Variants in DCBLD2 observed in about 807,000 individuals in gnomAD.
The protein encoded by DCBLD2 is discoidin, CUB and LCCL domain containing 2, also known as discoidin, CUB and LCCL domain-containing protein 2.
In DCBLD2, 54 loss-of-function variants were observed where a neutral mutation model predicts 86.8. The ratio of observed to expected loss-of-function variants is 0.62; its 90% CI spans 0.50 to 0.78. DCBLD2 has a LOEUF of 0.78. Among genes scored for constraint, DCBLD2 ranks in the 30% least tolerant of loss-of-function variants. The probability of loss-of-function intolerance (pLI) is 0.00; values close to 1 mark genes in which losing one functional copy is unlikely to be tolerated. For synonymous variants in DCBLD2, 354 were observed against 341.3 expected, an observed-to-expected ratio of 1.04 and a Z score of -0.41; for missense variants, 908 against 954.2, an observed-to-expected ratio of 0.95 and a Z score of 0.64.
chr3:98,848,009 G>A lies in DCBLD2; in HGVS notation c.571+1452C>T, dbSNP rs146835018. 3.6e-4 allele frequency among the ~76,000 whole-genome samples: 55 copies of A among 152,258 alleles called. 1 individual carries two copies. The East Asian group carries it at 9.7e-3, about 27-fold the overall frequency. On this transcript the variant is annotated intron_variant, in intron 3 of 15. Transcript: ENST00000326840. Reference sequence around the variant, plus strand: ...TTAAACTTTTAAGTTTGGGGTACATGTGCAGGTTTGTTCCATAAGTAAGCT... The same window carrying A: ...TTAAACTTTTAAGTTTGGGGTACATATGCAGGTTTGTTCCATAAGTAAGCT...
At chr3:98,892,894 G>C (rs1334915207) in intron 1 of DCBLD2, among the ~76,000 whole-genome samples, 1 of 152,132 alleles carries the variant, frequency 6.6e-6, no homozygotes, top group Admixed American at 6.5e-5. Context: ...AGATGGTGGG[G>C]ATCAAAAAAC....
intron 2 of DCBLD2, among the ~76,000 whole-genome samples, chr3:98,861,415 C>G (rs4269027): frequency 0.44 from 66,199 of 152,006 alleles, 14,599 homozygotes; most frequent in African/African-American, 0.46. Context: ...CAAATCAACA[C>G]AATATACGTT....
intron 1 of DCBLD2, among the ~76,000 whole-genome samples, chr3:98,887,262 T>A (rs775214883): frequency 5.3e-5 from 8 of 152,018 alleles, no homozygotes; most frequent in Non-Finnish European, 1.0e-4. Context: ...ACATAATATA[T>A]CTGCGAGATC....
At chr3:98,883,476 T>C (rs994325514) in intron 1 of DCBLD2, among the ~76,000 whole-genome samples, 8 of 152,196 alleles carry the variant, frequency 5.3e-5, no homozygotes, top group South Asian at 2.1e-4. Flanking sequence ...GCTCCAGAAA[T>C]TTATTCAGCA....
At chr3:98,846,844 G>A (rs538481120) in intron 3 of DCBLD2, among the ~76,000 whole-genome samples, 132 of 151,858 alleles carry the variant, frequency 8.7e-4, no homozygotes, top group African/African-American at 2.8e-3. Context: ...GGGCCAAAAA[G>A]CCTCATAATT....
intron 6 of DCBLD2, 60 bp downstream of exon 6, chr3:98,822,168 G>A (rs866873): frequency 0.99 from 1,587,520 of 1,598,266 alleles, 788,831 homozygotes; most frequent in Non-Finnish European, 1. Context: ...TCTTAGCCCA[G>A]TGCTACCCAG....
chr3:98,870,806 A>AAAGAAAGAAAGG (rs1559794673), intron 2 of DCBLD2, among the ~76,000 whole-genome samples: 3,236 of 122,950 alleles, frequency 0.026, 115 homozygotes, highest in African/African-American at 0.029. Context: ...AGAAAGAAAG[A>AAAGAAAGAAAGG]AAGAAAGGTA....
At chr3:98,861,067 T>A (rs1943034241) in intron 2 of DCBLD2, among the ~76,000 whole-genome samples, 1 of 152,034 alleles carries the variant, frequency 6.6e-6, no homozygotes, top group Non-Finnish European at 1.5e-5. Context: ...AAGGCAGGGG[T>A]TGCAATCCTA....
At chr3:98,883,168 A>C (rs987636384) in intron 1 of DCBLD2, among the ~76,000 whole-genome samples, 3 of 152,048 alleles carry the variant, frequency 2.0e-5, no homozygotes, top group African/African-American at 7.2e-5. Flanking sequence ...TTCTCTAATG[A>C]CCAGTGATGA....
chr3:98,871,452 TC>T (rs2107512860), intron 2 of DCBLD2, among the ~76,000 whole-genome samples: 1 of 152,298 alleles, frequency 6.6e-6, no homozygotes, highest in South Asian at 2.1e-4. Context: ...TAAGGTATGT[TC>T]TTTCTGTGCC....
At position 98,836,849 on chromosome 3, in the gene DCBLD2, G is replaced by A. The variant is rs1251993636; in HGVS notation, c.572-11483C>T. On this transcript the variant is annotated intron_variant, in intron 3 of 15. Coordinates refer to ENST00000326840, the MANE Select transcript of DCBLD2 (RefSeq NM_080927.4). ...CGACCCCCCCACCTCCCTCCCGGAC[G>A]GGGCGGCTGGCCGGGCGGGGGGCCG... Among the ~76,000 whole-genome samples the A allele has an allele frequency of 2.0e-4, 13 of 66,202 alleles. 2 individuals carry two copies. Among genetic ancestry groups the A allele is most frequent in the African/African-American group, 7.4e-4 (13 of 17,598 alleles). 43.4% of individuals were successfully genotyped at this position (66,202 alleles called of 152,430 possible). A position where few individuals can be genotyped will look rare whatever the true frequency, so the allele number is the denominator to read the frequency against.
chr3:98,871,573 T>C (rs1326140152), intron 2 of DCBLD2, among the ~76,000 whole-genome samples: 1 of 152,186 alleles, frequency 6.6e-6, no homozygotes. Flanking sequence ...ATGTGGTGAA[T>C]CACATTTGTT....
chr3:98,851,619 T>A (rs116414270), intron 2 of DCBLD2, among the ~76,000 whole-genome samples: 2,196 of 152,338 alleles, frequency 0.014, 53 homozygotes, highest in African/African-American at 0.05. Context: ...AGAATCCATG[T>A]AGCCAAGACA....
At chr3:98,882,533 T>G (rs1943489615) in intron 1 of DCBLD2, among the ~76,000 whole-genome samples, 1 of 152,174 alleles carries the variant, frequency 6.6e-6, no homozygotes, top group African/African-American at 2.4e-5. Context: ...CAACCCATCA[T>G]CTACATTAGG....
chr3:98,892,407 A>G (rs1017903212), intron 1 of DCBLD2, among the ~76,000 whole-genome samples: 2 of 152,052 alleles, frequency 1.3e-5, no homozygotes, highest in African/African-American at 4.8e-5. Flanking sequence ...GTTTCCCAAC[A>G]GTTTTAATAT....
rs1463462055 is a variant in DCBLD2, at chr3:98,887,516, C to G, written c.206-5749G>C. 2.0e-5 allele frequency among the ~76,000 whole-genome samples: 3 copies of G among 152,066 alleles called. No homozygotes were observed. In the East Asian group the frequency reaches 5.8e-4, roughly 29 times the overall value. On this transcript the variant is annotated intron_variant, in intron 1 of 15. Transcript: ENST00000326840. ...ATTTCACTTAATTTTTTAATGTCCT[C>G]TTTAGCCCTGGTAATTTTCCTTGTT...
At chr3:98,865,753 G>A (rs1368147747) in intron 2 of DCBLD2, among the ~76,000 whole-genome samples, 1 of 151,902 alleles carries the variant, frequency 6.6e-6, no homozygotes, top group African/African-American at 2.4e-5. Context: ...TAGGGTACAT[G>A]TGCACAACGT....
chr3:98,876,412 T>TAAAAAAAAA (rs60681986), intron 2 of DCBLD2, among the ~76,000 whole-genome samples: 7 of 47,532 alleles, frequency 1.5e-4, no homozygotes, highest in African/African-American at 4.3e-4. Flanking sequence ...AGATAAAAAG[T>TAAAAAAAAA]AAAAAAAAAA....
intron 2 of DCBLD2, among the ~76,000 whole-genome samples, chr3:98,876,423 A>G (rs934137836): frequency 6.9e-6 from 1 of 145,304 alleles, no homozygotes; most frequent in African/African-American, 2.6e-5. Flanking sequence ...AAAAAAAAAA[A>G]AAAAAAAAAA....
Sources: gnomAD v4.1 joint callset for allele counts (sites outside exome capture counted in the v4.1 genomes callset) on GRCh38, gnomAD v4.1.1 for gene constraint, MANE v1.5 for transcripts, NCBI Gene and HGNC (gene_info 2026-07-23, HGNC 2026-07-21) for gene names.